MAPT: variants seen among roughly 807,000 people sequenced by gnomAD.
The protein encoded by MAPT is microtubule associated protein tau.
MAPT carries 34 observed loss-of-function variants against 67.9 expected under a neutral mutation model. The observed-to-expected ratio is 0.50, with a 90% confidence interval of 0.38 to 0.67. The LOEUF is 0.67. Among genes scored for constraint, MAPT ranks in the 30% least tolerant of loss-of-function variants. MAPT has a pLI of 0.00. For synonymous variants in MAPT, 456 were observed against 464.5 expected (o/e 0.98, Z 0.23); for missense variants, 881 against 1,115.2 (o/e 0.79, Z 2.99).
intron 3 of MAPT, 118 bp from the exon 4 acceptor site, chr17:45,978,257 G>C (rs1351004252): frequency 1.2e-6 from 1 of 820,956 alleles, no homozygotes; most frequent in Non-Finnish European, 2.2e-6. Flanking sequence ...TGGTATTCTT[G>C]GGATGTGACT....
chr17:45,944,247 C>T (rs1194114975), intron 1 of MAPT, among the ~76,000 whole-genome samples: 1 of 152,208 alleles, frequency 6.6e-6, no homozygotes, highest in Non-Finnish European at 1.5e-5. Flanking sequence ...GCCTCAACAG[C>T]TAGCCAGTGG....
intron 8 of MAPT, among the ~76,000 whole-genome samples, chr17:45,992,398 G>A (rs1310265795): frequency 6.6e-6 from 1 of 152,192 alleles, no homozygotes; most frequent in African/African-American, 2.4e-5. Flanking sequence ...AGTCACAATG[G>A]GTGACGTCAC....
intron 9 of MAPT, among the ~76,000 whole-genome samples, chr17:45,997,017 C>T (rs2074540560): frequency 6.6e-6 from 1 of 152,238 alleles, no homozygotes; most frequent in Non-Finnish European, 1.5e-5. Flanking sequence ...TCAGGGCACC[C>T]ACAGCGGTTC....
At chr17:45,948,598 C>T (rs1435808929) in intron 1 of MAPT, among the ~76,000 whole-genome samples, 1 of 152,214 alleles carries the variant, frequency 6.6e-6, no homozygotes, top group Non-Finnish European at 1.5e-5. Flanking sequence ...CTTGGCCTGA[C>T]AGGTCTGCTG....
At chr17:45,947,218 C>G (rs1182279659) in intron 1 of MAPT, among the ~76,000 whole-genome samples, 1 of 151,730 alleles carries the variant, frequency 6.6e-6, no homozygotes, top group Non-Finnish European at 1.5e-5. Flanking sequence ...CTGGGCGCCA[C>G]TTGTGGTGGG....
At chr17:46,018,445 G>T (rs1268442653) in intron 11 of MAPT, among the ~76,000 whole-genome samples, 173 bp from the exon 12 acceptor site, 2 of 152,194 alleles carry the variant, frequency 1.3e-5, no homozygotes, top group African/African-American at 2.4e-5. Flanking sequence ...AAACCTGGAA[G>T]TCCTGTCATT....
At chr17:45,994,769 G>T (rs1194119294) in intron 8 of MAPT, among the ~76,000 whole-genome samples, 1 of 152,240 alleles carries the variant, frequency 6.6e-6, no homozygotes, top group South Asian at 2.1e-4. Flanking sequence ...GCCGAGGCGG[G>T]TGGATCACCT....
intron 1 of MAPT, among the ~76,000 whole-genome samples, chr17:45,950,470 GC>G (rs67781225): frequency 0.14 from 21,765 of 151,994 alleles, 2,127 homozygotes; most frequent in Non-Finnish European, 0.22. Flanking sequence ...GTTCTTGGAG[GC>G]CCCAGCCTTG....
intron 10 of MAPT, among the ~76,000 whole-genome samples, chr17:46,012,756 C>T (rs1258258681): frequency 6.6e-6 from 1 of 151,706 alleles, no homozygotes; most frequent in African/African-American, 2.4e-5. Flanking sequence ...TGTCCCAGCC[C>T]CCCTCCCCCT....
chr17:46,024,301 AC>A lies in MAPT; in HGVS notation c.*131del. The A allele has an allele frequency of 1.2e-6, 1 of 831,188 alleles. No homozygotes were observed. Among genetic ancestry groups the A allele is most frequent in the Non-Finnish European group, 2.0e-6 (1 of 505,628 alleles). The allele number at this position is 831,188 out of a possible 1,614,324, so 51.5% of individuals were successfully genotyped here. On this transcript the variant is annotated 3_prime_UTR_variant, in exon 13 of 13. Transcript: ENST00000262410. ...TCGCAGTTCGGTTAATTGGTTAATC[AC>A]TTAACCTGCTTTTGTCACTCGGCTT...
intron 4 of MAPT, among the ~76,000 whole-genome samples, chr17:45,982,089 C>T (rs955085074): frequency 2.0e-5 from 3 of 151,234 alleles, no homozygotes; most frequent in Admixed American, 6.6e-5. Flanking sequence ...CTTTGGGGAC[C>T]GGGGTGGGCA....
At chr17:45,972,024 C>A (rs778224061) in intron 3 of MAPT, 79 bp downstream of exon 3, 3 of 1,001,436 alleles carry the variant, frequency 3.0e-6, no homozygotes, top group Non-Finnish European at 4.7e-6. Context: ...CTGGCTGCAT[C>A]TGCTGCTCCC....
intron 7 of MAPT, 105 bp from the exon 8 acceptor site, chr17:45,991,355 T>C (rs2074038604): frequency 6.8e-7 from 1 of 1,470,382 alleles, no homozygotes; most frequent in Non-Finnish European, 9.5e-7. Context: ...ACCCCAGTCT[T>C]AGCCACGTTT....
At chr17:45,941,909 T>C (rs929072772) in intron 1 of MAPT, among the ~76,000 whole-genome samples, 9 of 152,058 alleles carry the variant, frequency 5.9e-5, no homozygotes, top group African/African-American at 1.9e-4. Context: ...CTTCTGACTT[T>C]GTTTTCTTCC....
chr17:45,898,784 A>G (rs1012085845), intron 1 of MAPT: 24 of 152,194 alleles, frequency 1.6e-4, no homozygotes, highest in African/African-American at 5.8e-4. Context: ...GGGGCCTAAT[A>G]CAGTGCTAGA....
intron 2 of MAPT, among the ~76,000 whole-genome samples, chr17:45,970,050 A>G (rs2071495893): frequency 6.9e-6 from 1 of 145,536 alleles, no homozygotes; most frequent in Admixed American, 6.8e-5. Flanking sequence ...CTATCCACCC[A>G]TCCATCCATC....
At chr17:45,921,302 C>G (rs1396667355) in intron 1 of MAPT, among the ~76,000 whole-genome samples, 2 of 152,346 alleles carry the variant, frequency 1.3e-5, no homozygotes, top group East Asian at 1.9e-4. Flanking sequence ...ATTCTCTTCT[C>G]CAGACCCAGA....
chr17:45,964,075 G>A (rs1033245302), intron 2 of MAPT, among the ~76,000 whole-genome samples: 4 of 152,136 alleles, frequency 2.6e-5, no homozygotes, highest in East Asian at 1.9e-4. Context: ...CAGCCATCAC[G>A]TGGTGATGGC....
intron 1 of MAPT, among the ~76,000 whole-genome samples, chr17:45,959,565 T>G (rs1309900253): frequency 1.3e-5 from 2 of 152,060 alleles, no homozygotes; most frequent in Non-Finnish European, 2.9e-5. Context: ...CCCTAAACTT[T>G]GGGAGGCCGA....
Sources: gnomAD v4.1 joint callset for allele counts (sites outside exome capture counted in the v4.1 genomes callset) on GRCh38, gnomAD v4.1.1 for gene constraint, MANE v1.5 for transcripts, NCBI Gene and HGNC (gene_info 2026-07-23, HGNC 2026-07-21) for gene names.